Variants in NCOA3 observed in about 807,000 individuals in gnomAD.
The protein encoded by NCOA3 is nuclear receptor coactivator 3.
In NCOA3, 51 loss-of-function variants were observed where a neutral mutation model predicts 158.8. That is an observed-to-expected ratio of 0.32 (90% CI 0.26 to 0.41). The LOEUF (loss-of-function observed/expected upper bound fraction) is 0.41. NCOA3 is among the 10% of genes least tolerant of loss of function. The probability of loss-of-function intolerance (pLI) is 1.00; values close to 1 mark genes in which losing one functional copy is unlikely to be tolerated. For synonymous variants in NCOA3, 537 were observed against 592.4 expected (o/e 0.91, Z 1.36); for missense variants, 1,510 against 1,746.6 (o/e 0.86, Z 2.41).
intron 5 of NCOA3, among the ~76,000 whole-genome samples, 166 bp from the exon 6 acceptor site, chr20:47,626,836 T>C (rs1252187123): frequency 6.6e-6 from 1 of 152,212 alleles, no homozygotes; most frequent in Non-Finnish European, 1.5e-5. Flanking sequence ...CCAGTCATAT[T>C]GGATTAGGGT....
At chr20:47,570,955 C>T (rs1164152293) in intron 1 of NCOA3, among the ~76,000 whole-genome samples, 1 of 138,182 alleles carries the variant, frequency 7.2e-6, no homozygotes, top group Non-Finnish European at 1.6e-5. Context: ...CACACACACA[C>T]ACACACACAC....
intron 9 of NCOA3, 98 bp downstream of exon 9, chr20:47,633,734 T>A: frequency 1.5e-6 from 2 of 1,336,470 alleles, no homozygotes; most frequent in East Asian, 2.3e-5. Flanking sequence ...TGGATTTAAT[T>A]GACCCTTCTG....
At chr20:47,622,563 T>A (rs1390474758) in intron 3 of NCOA3, among the ~76,000 whole-genome samples, 2 of 152,118 alleles carry the variant, frequency 1.3e-5, no homozygotes, top group East Asian at 1.9e-4. Flanking sequence ...CTATAAGAAT[T>A]TCTGAATGGA....
chr20:47,598,369 T>C (rs1444174909), intron 2 of NCOA3, among the ~76,000 whole-genome samples: 2 of 152,076 alleles, frequency 1.3e-5, no homozygotes, highest in Non-Finnish European at 2.9e-5. Flanking sequence ...GGAGTTTCGC[T>C]CTGTCGCTCA....
chr20:47,587,158 A>G (rs1406138646), intron 2 of NCOA3, among the ~76,000 whole-genome samples: 1 of 152,186 alleles, frequency 6.6e-6, no homozygotes, highest in African/African-American at 2.4e-5. Context: ...GTATTCCATA[A>G]TCAATAGCCC....
intron 1 of NCOA3, among the ~76,000 whole-genome samples, chr20:47,514,809 A>G (rs1398795265): frequency 2.2e-5 from 3 of 137,646 alleles, no homozygotes; most frequent in Non-Finnish European, 4.6e-5. Context: ...CTCCGCCTCC[A>G]GAGTAGCTGG....
intron 1 of NCOA3, among the ~76,000 whole-genome samples, chr20:47,579,258 G>C (rs1163621831): frequency 1.3e-5 from 2 of 152,216 alleles, no homozygotes; most frequent in African/African-American, 2.4e-5. Context: ...GGTGTGCGCT[G>C]CCATGCCTGG....
chr20:47,596,261 T>C (rs909789648), intron 2 of NCOA3, among the ~76,000 whole-genome samples: 5 of 151,816 alleles, frequency 3.3e-5, no homozygotes, highest in Non-Finnish European at 7.4e-5. Flanking sequence ...AGTTTTCTTG[T>C]TTTTTTTAGC....
chr20:47,584,139 C>T (rs2085496459), intron 2 of NCOA3, among the ~76,000 whole-genome samples: 1 of 151,518 alleles, frequency 6.6e-6, no homozygotes, highest in South Asian at 2.1e-4. Flanking sequence ...CTACAAAACA[C>T]ACAAAAAATT....
chr20:47,517,671 G>A (rs140826924), intron 1 of NCOA3, among the ~76,000 whole-genome samples: 1,806 of 151,830 alleles, frequency 0.012, 38 homozygotes, highest in African/African-American at 0.042. Context: ...GGCTGTTCTC[G>A]AACTCCTAAC....
At chr20:47,534,273 A>C (rs2084598190) in intron 1 of NCOA3, among the ~76,000 whole-genome samples, 1 of 152,092 alleles carries the variant, frequency 6.6e-6, no homozygotes, top group Non-Finnish European at 1.5e-5. Flanking sequence ...CTTTAAAAAA[A>C]AAAAAAAAAA....
chr20:47,585,371 A>G (rs1034819581), intron 2 of NCOA3, among the ~76,000 whole-genome samples: 3 of 152,116 alleles, frequency 2.0e-5, no homozygotes, highest in Non-Finnish European at 4.4e-5. Context: ...ATATTACATC[A>G]GAATAGGAAA....
chr20:47,573,393 A>G (rs1225522098), intron 1 of NCOA3, among the ~76,000 whole-genome samples: 1 of 150,356 alleles, frequency 6.7e-6, no homozygotes, highest in African/African-American at 2.5e-5. Flanking sequence ...GGGCAAGACT[A>G]TTGTCTCCAA....
chr20:47,623,807 A>AT (rs2086279599), intron 3 of NCOA3, 104 bp from the exon 4 acceptor site: 4 of 1,044,478 alleles, frequency 3.8e-6, no homozygotes, highest in East Asian at 2.9e-5. Flanking sequence ...AAAAAAAAAA[A>AT]GTAATCATGT....
intron 2 of NCOA3, among the ~76,000 whole-genome samples, chr20:47,601,470 TA>T (rs1227873503): frequency 1.3e-5 from 2 of 152,230 alleles, no homozygotes; most frequent in Non-Finnish European, 2.9e-5. Flanking sequence ...GTTAGATCGG[TA>T]ATAATATAGC....
Position 47,647,360 on chromosome 20 carries a change from C to A in NCOA3, c.3540C>A (p.Gly1180=), listed in dbSNP as rs766077598. 6.2e-7 allele frequency: 1 copy of A among 1,613,280 alleles called. No homozygotes were observed. Among genetic ancestry groups the A allele is most frequent in the African/African-American group, 1.3e-5 (1 of 74,914 alleles). Residue 1180 remains glycine (G), a synonymous_variant, in exon 18 of 23, where the codon GGC becomes GGA. Transcript: ENST00000371998. ...LRMQLQQRLQ[G]QQFLNQSRQA... Reference sequence around the variant, plus strand: ...TGCAGCTTCAGCAGAGGCTGCAGGGCCAGCAGGTAACCAGTCATGTGTTCT... The same window carrying A: ...TGCAGCTTCAGCAGAGGCTGCAGGGACAGCAGGTAACCAGTCATGTGTTCT...
intron 1 of NCOA3, among the ~76,000 whole-genome samples, chr20:47,538,488 T>C (rs1339442139): frequency 6.6e-6 from 1 of 152,192 alleles, no homozygotes; most frequent in Non-Finnish European, 1.5e-5. Context: ...TTTAAAAACA[T>C]AATTTTCTCT....
intron 2 of NCOA3, among the ~76,000 whole-genome samples, chr20:47,604,844 T>G (rs975339602): frequency 6.6e-6 from 1 of 152,216 alleles, no homozygotes; most frequent in Non-Finnish European, 1.5e-5. Context: ...CTTGACTATC[T>G]TCCTTAGTTC....
At position 47,656,562 on chromosome 20, in the gene NCOA3, GATTT is replaced by G. The variant is rs1247090936; in HGVS notation, c.*3149_*3152del. 6.6e-6 allele frequency: 1 copy of G among 152,546 alleles called. No individual in the cohort carries two copies. Among genetic ancestry groups the G allele is most frequent in the Non-Finnish European group, 1.5e-5 (1 of 68,034 alleles). 9.4% of individuals were successfully genotyped at this position (152,546 alleles called of 1,614,324 possible). A position where few individuals can be genotyped will look rare whatever the true frequency, so the allele number is the denominator to read the frequency against. ...TCCTAGGAGCAAAACCTCAAGGATT[GATTT>G]ATTGTTTTCAACTCCAAGGCACACT... On this transcript the variant is annotated 3_prime_UTR_variant, in exon 23 of 23. Transcript: ENST00000371998.
Sources: gnomAD v4.1 joint callset for allele counts (sites outside exome capture counted in the v4.1 genomes callset) on GRCh38, gnomAD v4.1.1 for gene constraint, MANE v1.5 for transcripts, NCBI Gene and HGNC (gene_info 2026-07-23, HGNC 2026-07-21) for gene names.